Variants in DLG2 observed in about 807,000 individuals in gnomAD.
DLG2 encodes discs large MAGUK scaffold protein 2.
DLG2 carries 45 observed loss-of-function variants against 132.5 expected under a neutral mutation model. The ratio of observed to expected loss-of-function variants is 0.34; its 90% CI spans 0.27 to 0.44. The LOEUF (loss-of-function observed/expected upper bound fraction) is 0.44, where lower values mean the gene tolerates loss of function less well. DLG2 is among the 20% of genes least tolerant of loss of function. DLG2 has a pLI of 1.00. For synonymous variants in DLG2, 424 were observed against 419.6 expected, an observed-to-expected ratio of 1.01 and a Z score of -0.13; for missense variants, 1,045 against 1,196.9, an observed-to-expected ratio of 0.87 and a Z score of 1.87.
In DLG2 at chr11:85,534,698, A is replaced by T. The variant is rs557926695; in HGVS notation, c.40+63959T>A. On this transcript the variant is annotated intron_variant, in intron 3 of 27. Coordinates refer to ENST00000376104, the MANE Select transcript of DLG2 (RefSeq NM_001142699.3). ...GATTATAGCTGAATATCAGTATTCC[A>T]TGTGTGTATATGTACCACATTTCCT... Among the ~76,000 whole-genome samples the T allele has an allele frequency of 2.0e-5, 3 of 152,326 alleles. No individual in the cohort carries two copies. The East Asian group carries it at 5.8e-4, about 29-fold the overall frequency.
chr11:84,641,526 G>A (rs964547016), intron 6 of DLG2, among the ~76,000 whole-genome samples: 1 of 152,038 alleles, frequency 6.6e-6, no homozygotes, highest in Non-Finnish European at 1.5e-5. Flanking sequence ...GCATGTTTCC[G>A]GGAGAGTCAG....
chr11:84,598,465 T>C, intron 6 of DLG2, among the ~76,000 whole-genome samples: 1 of 152,224 alleles, frequency 6.6e-6, no homozygotes, highest in East Asian at 1.9e-4. Flanking sequence ...ATGATGCTTA[T>C]TTCCCTAATC....
intron 4 of DLG2, among the ~76,000 whole-genome samples, chr11:85,250,879 CA>C: frequency 6.6e-6 from 1 of 152,240 alleles, no homozygotes; most frequent in South Asian, 2.1e-4. Context: ...ATTTTAACTA[CA>C]AATGTTTAAG....
intron 3 of DLG2, among the ~76,000 whole-genome samples, chr11:85,384,818 C>A (rs979832297): frequency 6.6e-6 from 1 of 152,148 alleles, no homozygotes; most frequent in African/African-American, 2.4e-5. Context: ...GTGATCCACC[C>A]ACCTCGGCCT....
chr11:84,300,829 A>G (rs2098143017), intron 7 of DLG2, among the ~76,000 whole-genome samples: 1 of 152,242 alleles, frequency 6.6e-6, no homozygotes, highest in East Asian at 1.9e-4. Flanking sequence ...ACAGGCAGAA[A>G]GACATGTTCA....
intron 2 of DLG2, among the ~76,000 whole-genome samples, chr11:85,623,344 C>T (rs572465087): frequency 2.0e-5 from 3 of 151,876 alleles, no homozygotes; most frequent in East Asian, 3.9e-4. Context: ...CTCTCTCTGT[C>T]GCCAAGTTGG....
intron 17 of DLG2, among the ~76,000 whole-genome samples, chr11:83,788,318 C>T (rs2040577284): frequency 6.6e-6 from 1 of 152,102 alleles, no homozygotes; most frequent in Non-Finnish European, 1.5e-5. Context: ...TTTTCCTTGC[C>T]TCATCCCTGG....
chr11:84,932,335 T>C (rs1188948646), intron 6 of DLG2, among the ~76,000 whole-genome samples: 3 of 152,208 alleles, frequency 2.0e-5, no homozygotes, highest in African/African-American at 7.2e-5. Context: ...ATTTTCTGCA[T>C]ATAACTAGCC....
At chr11:83,462,136 C>A (rs1175562728) in intron 26 of DLG2, 43 bp from the exon 27 acceptor site, 2 of 1,278,126 alleles carry the variant, frequency 1.6e-6, no homozygotes, top group Non-Finnish European at 2.3e-6. Context: ...AGGGAATATT[C>A]CAAATCCTAA....
intron 7 of DLG2, among the ~76,000 whole-genome samples, chr11:84,342,170 A>T (rs1442060169): frequency 6.6e-6 from 1 of 151,930 alleles, no homozygotes; most frequent in Non-Finnish European, 1.5e-5. Flanking sequence ...CACCCAGGAG[A>T]CTGCTCACTC....
At chr11:84,408,205 C>A (rs2098868414) in intron 7 of DLG2, among the ~76,000 whole-genome samples, 1 of 152,010 alleles carries the variant, frequency 6.6e-6, no homozygotes, top group Non-Finnish European at 1.5e-5. Context: ...CCAACGGGGG[C>A]AGAAGTGGTA....
chr11:85,374,091 A>C (rs766703854), intron 3 of DLG2, among the ~76,000 whole-genome samples: 7 of 152,220 alleles, frequency 4.6e-5, no homozygotes, highest in African/African-American at 9.6e-5. Context: ...CCACTGACCT[A>C]AGATGCTTTG....
Position 85,214,729 on chromosome 11 carries a change from C to G in DLG2, c.187-60078G>C, listed in dbSNP as rs2082468793. On this transcript the variant is annotated intron_variant, in intron 4 of 27. Transcript: ENST00000376104. ...CACTTTGGATATCCACATAAAACTACTTTAAACTTTTGTTAAATTTATCTT... is the reference window on the plus strand; with the variant it reads ...CACTTTGGATATCCACATAAAACTAGTTTAAACTTTTGTTAAATTTATCTT... Among the ~76,000 whole-genome samples, 4 of 152,280 alleles carry G rather than the reference C, an allele frequency of 2.6e-5. No homozygotes were observed. The South Asian group carries it at 8.3e-4, about 32-fold the overall frequency.
chr11:84,963,315 T>C (rs2052855564), intron 6 of DLG2, among the ~76,000 whole-genome samples: 1 of 152,104 alleles, frequency 6.6e-6, no homozygotes, highest in African/African-American at 2.4e-5. Context: ...GAGGGAAAAA[T>C]ATCTGCACTA....
At chr11:84,526,943 T>C (rs1468862194) in intron 7 of DLG2, among the ~76,000 whole-genome samples, 1 of 152,012 alleles carries the variant, frequency 6.6e-6, no homozygotes, top group Non-Finnish European at 1.5e-5. Context: ...CACGCCCGGC[T>C]AATTTTTTGT....
intron 3 of DLG2, among the ~76,000 whole-genome samples, chr11:85,516,422 C>A (rs1262400308): frequency 6.6e-6 from 1 of 151,592 alleles, no homozygotes; most frequent in Non-Finnish European, 1.5e-5. Flanking sequence ...CTGCAACTAG[C>A]AGAAGGAAAA....
intron 6 of DLG2, among the ~76,000 whole-genome samples, chr11:85,050,210 G>A (rs1195574901): frequency 7.3e-5 from 11 of 150,962 alleles, no homozygotes; most frequent in African/African-American, 2.4e-4. Context: ...GTCTTTAGTG[G>A]GAACAAAGAA....
intron 7 of DLG2, among the ~76,000 whole-genome samples, chr11:84,440,945 C>G (rs1299696782): frequency 6.6e-6 from 1 of 151,842 alleles, no homozygotes; most frequent in East Asian, 1.9e-4. Context: ...AAATTCAATC[C>G]AAGGAATTAA....
chr11:84,957,618 C>T (rs144143189), intron 6 of DLG2, among the ~76,000 whole-genome samples: 10 of 152,138 alleles, frequency 6.6e-5, no homozygotes, highest in Admixed American at 2.6e-4. Flanking sequence ...TCTGTACTCT[C>T]GAAGTGTTTT....
Sources: gnomAD v4.1 joint callset for allele counts (sites outside exome capture counted in the v4.1 genomes callset) on GRCh38, gnomAD v4.1.1 for gene constraint, MANE v1.5 for transcripts, NCBI Gene and HGNC (gene_info 2026-07-23, HGNC 2026-07-21) for gene names.